Variants in NCOA7 observed in about 807,000 individuals in gnomAD.
NCOA7 encodes the protein 140 kDa estrogen receptor-associated protein.
Under a neutral mutation model 104.3 loss-of-function variants are expected in NCOA7, and 45 were observed. The observed-to-expected ratio is 0.43, with a 90% confidence interval of 0.34 to 0.55. The LOEUF (loss-of-function observed/expected upper bound fraction) is 0.55. Among genes scored for constraint, NCOA7 ranks in the 20% least tolerant of loss-of-function variants. NCOA7 has a pLI of 0.02. For missense variants in NCOA7, 1,041 were observed against 1,119.7 expected (o/e 0.93, Z 1.00); for synonymous variants, 398 against 402.3 (o/e 0.99, Z 0.13).
chr6:125,833,302 G>A (rs1316826366), intron 2 of NCOA7, among the ~76,000 whole-genome samples: 1 of 152,032 alleles, frequency 6.6e-6, no homozygotes, highest in East Asian at 1.9e-4. Flanking sequence ...AAATAATGGG[G>A]CTGGCCGGGC....
intron 2 of NCOA7, among the ~76,000 whole-genome samples, chr6:125,854,723 A>G (rs1366942220): frequency 6.6e-6 from 1 of 152,218 alleles, no homozygotes; most frequent in Non-Finnish European, 1.5e-5. Context: ...AAAATACTCA[A>G]CATTTCTTAG....
intron 12 of NCOA7, among the ~76,000 whole-genome samples, chr6:125,921,923 T>G (rs1458229130): frequency 6.6e-6 from 1 of 152,200 alleles, no homozygotes; most frequent in Non-Finnish European, 1.5e-5. Context: ...CCCTGGCATT[T>G]CCCTCATCAG....
At chr6:125,785,167 G>A (rs1774406100) in intron 1 of NCOA7, among the ~76,000 whole-genome samples, 4 of 152,068 alleles carry the variant, frequency 2.6e-5, no homozygotes, top group Admixed American at 1.3e-4. Flanking sequence ...GTGAAATCCC[G>A]TCTCTACTAA....
chr6:125,867,275 T>A (rs1266029513), intron 3 of NCOA7, among the ~76,000 whole-genome samples: 3 of 152,268 alleles, frequency 2.0e-5, no homozygotes, highest in Admixed American at 1.3e-4. Context: ...TGTTATCTGC[T>A]AATGACCACA....
intron 3 of NCOA7, among the ~76,000 whole-genome samples, chr6:125,870,760 G>T (rs1402459103): frequency 6.6e-6 from 1 of 152,120 alleles, no homozygotes; most frequent in Non-Finnish European, 1.5e-5. Context: ...TCAGATGCAG[G>T]ATCTTAGAGT....
At chr6:125,919,778 A>G (rs1787410131) in intron 11 of NCOA7, among the ~76,000 whole-genome samples, 1 of 152,242 alleles carries the variant, frequency 6.6e-6, no homozygotes, top group South Asian at 2.1e-4. Flanking sequence ...TGGTAAAATT[A>G]GTAAGCTTAA....
intron 10 of NCOA7, among the ~76,000 whole-genome samples, chr6:125,909,473 G>C (rs1480454978): frequency 6.6e-6 from 1 of 152,154 alleles, no homozygotes; most frequent in Non-Finnish European, 1.5e-5. Context: ...AGGTTAACTT[G>C]TTGCAGTGAG....
chr6:125,839,491 G>C (rs1460191172), intron 2 of NCOA7, among the ~76,000 whole-genome samples: 2 of 151,750 alleles, frequency 1.3e-5, no homozygotes, highest in Non-Finnish European at 2.9e-5. Flanking sequence ...GGGGCTGAAA[G>C]TTCCAACCTT....
intron 2 of NCOA7, among the ~76,000 whole-genome samples, chr6:125,826,875 C>A (rs1289255267): frequency 6.6e-6 from 1 of 152,074 alleles, no homozygotes; most frequent in African/African-American, 2.4e-5. Context: ...TGCTGTATCA[C>A]CCCATGGTGG....
At position 125,889,084 on chromosome 6, in the gene NCOA7, G is replaced by T; in HGVS notation, c.1030G>T (p.Asp344Tyr). The T allele has an allele frequency of 6.2e-7, 1 of 1,614,078 alleles. No homozygotes were observed. Among genetic ancestry groups the T allele is most frequent in the South Asian group, 1.1e-5 (1 of 91,082 alleles). The change falls in exon 9 of 16, where the codon GAT (aspartate) becomes TAT (tyrosine). Residue 344 changes from aspartate to tyrosine, a missense_variant. Asp to Tyr is a radical substitution (Grantham distance 160). Transcript: ENST00000392477. The stretch of plus-strand genomic sequence containing the variant: ...GAATGGAGAGAAAATTATGACTTCG[G>T]ATTCCAGACCAATAGTACCTTTGGA... ...QQNGEKIMTS[D>Y]SRPIVPLEKS... is the part of the protein sequence containing the mutation.
At chr6:125,846,536 T>G (rs1416739623) in intron 2 of NCOA7, among the ~76,000 whole-genome samples, 2 of 152,174 alleles carry the variant, frequency 1.3e-5, no homozygotes, top group Non-Finnish European at 2.9e-5. Flanking sequence ...CAGGGCTGAT[T>G]ACAGAGAAAG....
At chr6:125,907,814 T>C (rs771728899) in intron 10 of NCOA7, among the ~76,000 whole-genome samples, 1 of 152,194 alleles carries the variant, frequency 6.6e-6, no homozygotes, top group Non-Finnish European at 1.5e-5. Context: ...TACTGTACAA[T>C]GTAAGGTCCT....
chr6:125,821,791 G>C (rs1380998057), intron 2 of NCOA7, among the ~76,000 whole-genome samples: 1 of 151,902 alleles, frequency 6.6e-6, no homozygotes, highest in Non-Finnish European at 1.5e-5. Flanking sequence ...AAGGTTGCAT[G>C]TTGTCTGAAA....
At position 125,890,801 on chromosome 6, in the gene NCOA7, C is replaced by T; in HGVS notation, c.2087C>T (p.Pro696Leu). 6.2e-7 allele frequency: 1 copy of T among 1,607,106 alleles called. No homozygotes were observed. Among genetic ancestry groups the T allele is most frequent in the Non-Finnish European group, 8.5e-7 (1 of 1,177,066 alleles). ...CAGCCAGAGTACTGGTTTGCTGTTC[C>T]TCGGGAGAGGTGAGTATGGGCTACA... ...RKQPEYWFAV[P>L]RERVDHLYTF... Residue 696 changes from proline to leucine, a missense_variant, in exon 10 of 16, where the codon CCT becomes CTT. By Grantham distance (98) the Pro-to-Leu change is moderately conservative. This residue lies in a region of NCOA7 where 914 missense variants were observed against 942.7 expected (regional missense o/e 0.97). Coordinates refer to ENST00000392477, the MANE Select transcript of NCOA7 (RefSeq NM_181782.5).
At chr6:125,830,466 A>C (rs1779070276) in intron 2 of NCOA7, among the ~76,000 whole-genome samples, 1 of 152,142 alleles carries the variant, frequency 6.6e-6, no homozygotes, top group Admixed American at 6.5e-5. Context: ...AGGTGGAAGG[A>C]TTGTTTGAGG....
At chr6:125,896,704 A>T (rs957324915) in intron 10 of NCOA7, among the ~76,000 whole-genome samples, 3 of 152,212 alleles carry the variant, frequency 2.0e-5, no homozygotes, top group Non-Finnish European at 2.9e-5. Context: ...AAGTGGGAAG[A>T]TCACTTGAGC....
chr6:125,853,804 A>G lies in NCOA7; in HGVS notation c.51-1216A>G, dbSNP rs904660725. Among the ~76,000 whole-genome samples, 59 of 152,216 alleles carry G rather than the reference A, an allele frequency of 3.9e-4. 1 individual carries two copies. Among genetic ancestry groups the G allele is most frequent in the Non-Finnish European group, 1.5e-5 (1 of 68,038 alleles). ...GTTAGAGACCTAAGGAAGTACAGTTATCACCATTTAAGATATAAGAAAACT... is the reference window on the plus strand; with the variant it reads ...GTTAGAGACCTAAGGAAGTACAGTTGTCACCATTTAAGATATAAGAAAACT... On this transcript the variant is annotated intron_variant, in intron 2 of 15. Coordinates refer to ENST00000392477, the MANE Select transcript of NCOA7 (RefSeq NM_181782.5).
Position 125,912,959 on chromosome 6 carries a change from G to C in NCOA7, c.2097-2374G>C, listed in dbSNP as rs1191285111. Among the ~76,000 whole-genome samples the C allele has an allele frequency of 2.0e-5, 3 of 152,176 alleles. No homozygotes were observed. The East Asian group carries it at 5.8e-4, about 29-fold the overall frequency. On this transcript the variant is annotated intron_variant, in intron 10 of 15. Transcript: ENST00000392477. ...ATGCCTTTTAAAATATAATTTTGAT[G>C]TTTGAATCATATAAATGTATTACCT...
intron 1 of NCOA7, among the ~76,000 whole-genome samples, chr6:125,783,139 C>T (rs983477896): frequency 1.3e-5 from 2 of 152,174 alleles, no homozygotes; most frequent in Admixed American, 1.3e-4. Flanking sequence ...CTGAGACTTA[C>T]GTTGTACTTC....
Sources: gnomAD v4.1 joint callset for allele counts (sites outside exome capture counted in the v4.1 genomes callset) on GRCh38, gnomAD v4.1.1 for gene constraint, gnomAD v4.1.1 regional missense constraint, MANE v1.5 for transcripts, NCBI Gene and HGNC (gene_info 2026-07-23, HGNC 2026-07-21) for gene names.